The following TNRC6C variants were observed in gnomAD, a reference collection of about 807,000 sequenced individuals.
TNRC6C encodes trinucleotide repeat containing adaptor 6C, also known as trinucleotide repeat-containing gene 6C protein.
Under a neutral mutation model 153.7 loss-of-function variants are expected in TNRC6C, and 20 were observed. The observed-to-expected ratio is 0.13, with a 90% CI of 0.09 to 0.19. The LOEUF (loss-of-function observed/expected upper bound fraction) is 0.19, where lower values mean the gene tolerates loss of function less well. Ranked by LOEUF, TNRC6C falls within the 10% of genes least tolerant of loss-of-function variation. The pLI is 1.00. For synonymous variants in TNRC6C, 811 were observed against 841.4 expected (o/e 0.96, Z 0.63); for missense variants, 1,987 against 2,172.0 (o/e 0.91, Z 1.69).
chr17:77,959,651 G>C (rs1158663887), intron 1 of TNRC6C, among the ~76,000 whole-genome samples: 1 of 150,166 alleles, frequency 6.7e-6, no homozygotes, highest in Non-Finnish European at 1.5e-5. Context: ...TTTGGTGCAG[G>C]AGCCCGGTGC....
At chr17:78,045,873 TAG>T (rs2072398710) in intron 2 of TNRC6C, among the ~76,000 whole-genome samples, 1 of 151,708 alleles carries the variant, frequency 6.6e-6, no homozygotes, top group African/African-American at 2.4e-5. Flanking sequence ...GTGTTCACAA[TAG>T]AGATTTAACA....
At position 78,104,798 on chromosome 17, in the gene TNRC6C, C is replaced by G. The variant is rs1183880524; in HGVS notation, c.5026C>G (p.Leu1676Val). 1 of 1,445,552 alleles carries G rather than the reference C, an allele frequency of 6.9e-7. No homozygotes were observed. The highest frequency in any genetic ancestry group is 9.1e-7 in the Non-Finnish European group (1 of 1,099,376). 89.5% of individuals were successfully genotyped at this position (1,445,552 alleles called of 1,614,324 possible). ...CAGGGTGATAGGCAGCCCCACGCCG[C>G]TAACCACCCTGCTGCCTGGGGACCT... is the stretch of plus-strand genomic sequence containing the variant. The change falls in exon 20 of 20, where the codon CTA (leucine) becomes GTA (valine). Residue 1676 changes from leucine to valine, a missense_variant. This residue lies in a region of TNRC6C where 139 missense variants were observed against 148.5 expected (regional missense o/e 0.94). Transcript: ENST00000301624. The surrounding 1 kb of genome is among the most constrained non-coding windows in gnomAD (Gnocchi z 6.2).
chr17:78,031,535 C>T (rs2072074135), exon 2 of TNRC6C: 1 of 1,232,094 alleles, frequency 8.1e-7, no homozygotes, highest in Non-Finnish European at 1.0e-6. Context: ...CTACTAAGAC[C>T]TGTTCAAGCC....
chr17:78,103,517 A>G (rs767183332), exon 19 of TNRC6C: 45 of 1,613,912 alleles, frequency 2.8e-5, no homozygotes, highest in Non-Finnish European at 3.2e-5. Flanking sequence ...TACAGCTCCA[A>G]GGAGGAGGCT....
chr17:78,071,131 G>A (rs1220788736), exon 6 of TNRC6C: 13 of 1,606,768 alleles, frequency 8.1e-6, no homozygotes, highest in South Asian at 1.1e-5. Context: ...ATCATGAGCC[G>A]GCTGATCAAA....
intron 1 of TNRC6C, among the ~76,000 whole-genome samples, chr17:78,012,465 A>G (rs2071652369): frequency 6.6e-6 from 1 of 152,182 alleles, no homozygotes; most frequent in Admixed American, 6.5e-5. Context: ...CTGTGTAACA[A>G]ACCTTCATAT....
chr17:77,961,044 AACAC>A (rs751339423), intron 1 of TNRC6C, among the ~76,000 whole-genome samples: 1 of 151,962 alleles, frequency 6.6e-6, no homozygotes, highest in Admixed American at 6.6e-5. Context: ...GGTAATAGTA[AACAC>A]ACACACACAC....
intron 17 of TNRC6C, among the ~76,000 whole-genome samples, chr17:78,101,400 A>G (rs1301825227): frequency 3.3e-5 from 5 of 152,116 alleles, no homozygotes; most frequent in African/African-American, 9.7e-5. Context: ...GGAAGTTCCA[A>G]ACTTTCCCAC....
intron 1 of TNRC6C, among the ~76,000 whole-genome samples, chr17:77,994,859 C>G (rs968862215): frequency 1.3e-5 from 2 of 152,086 alleles, no homozygotes; most frequent in South Asian, 2.1e-4. Context: ...TTAAATACAG[C>G]TTGTTGTTTT....
At chr17:78,077,105 T>C (rs1482299997) in intron 8 of TNRC6C, 80 bp from the exon 11 acceptor site, 49 of 1,485,162 alleles carry the variant, frequency 3.3e-5, no homozygotes, top group Non-Finnish European at 4.2e-5. Context: ...CCACGCCTCC[T>C]CTGTTTCCTT....
chr17:78,019,769 T>C (rs76780965), intron 1 of TNRC6C, among the ~76,000 whole-genome samples: 1,736 of 152,340 alleles, frequency 0.011, 30 homozygotes, highest in African/African-American at 0.04. Flanking sequence ...ATTCTCCTGC[T>C]GCATGAAAAT....
intron 3 of TNRC6C, among the ~76,000 whole-genome samples, chr17:78,059,237 C>G (rs2072717314): frequency 6.6e-6 from 1 of 152,194 alleles, no homozygotes; most frequent in African/African-American, 2.4e-5. Flanking sequence ...ACCTCTGCAG[C>G]CAGAAGTAAT....
At chr17:77,991,727 T>C (rs1020380659) in intron 1 of TNRC6C, among the ~76,000 whole-genome samples, 3 of 152,352 alleles carry the variant, frequency 2.0e-5, no homozygotes, top group South Asian at 2.1e-4. Context: ...AGAAATTGTT[T>C]TGATTATCCT....
chr17:77,989,645 C>T (rs1223347648), intron 1 of TNRC6C, among the ~76,000 whole-genome samples: 3 of 152,222 alleles, frequency 2.0e-5, no homozygotes, highest in African/African-American at 7.2e-5. Context: ...TACCCACTAA[C>T]TGTAAGCTCT....
intron 17 of TNRC6C, among the ~76,000 whole-genome samples, chr17:78,100,600 T>A (rs1010137670): frequency 6.6e-6 from 1 of 152,136 alleles, no homozygotes; most frequent in Non-Finnish European, 1.5e-5. Flanking sequence ...AGCCATTTTT[T>A]CCTTGTAGGC....
chr17:78,018,188 G>A (rs1262248440), intron 1 of TNRC6C, among the ~76,000 whole-genome samples: 1 of 152,054 alleles, frequency 6.6e-6, no homozygotes. Flanking sequence ...GTGCAGTGGC[G>A]CAGTCTCGGC....
In TNRC6C at chr17:78,079,276, C is replaced by G. The variant is rs2144392584; in HGVS notation, c.3211-119C>G. 7.0e-7 allele frequency: 1 copy of G among 1,423,144 alleles called. No individual in the cohort carries two copies. The highest frequency in any genetic ancestry group is 1.8e-4 in the Middle Eastern group (1 of 5,506). The allele number at this position is 1,423,144 out of a possible 1,614,324, so 88.2% of individuals were successfully genotyped here. A position where few individuals can be genotyped will look rare whatever the true frequency, so the allele number is the denominator to read the frequency against. ...AAAAATTCTCTTGGGTACAAGTTGA[C>G]AGTGGTAGGAAGTAGAAACAATTTT... On this transcript the variant is annotated intron_variant, in intron 9 of 19. Coordinates refer to ENST00000301624, the Ensembl canonical transcript of TNRC6C. This position sits in a 1 kb window ranked among gnomAD's most constrained non-coding sequence, Gnocchi z 4.3.
intron 16 of TNRC6C, among the ~76,000 whole-genome samples, chr17:78,094,529 C>T (rs1011309485): frequency 2.6e-5 from 4 of 151,574 alleles, no homozygotes; most frequent in Admixed American, 6.6e-5. Flanking sequence ...ACCTCCGCCT[C>T]GCAGGCTCAA....
chr17:78,059,855 A>AAG (rs1555638720), intron 3 of TNRC6C, among the ~76,000 whole-genome samples: 12 of 151,432 alleles, frequency 7.9e-5, no homozygotes, highest in Non-Finnish European at 1.5e-4. Flanking sequence ...TCAAAAAAAA[A>AAG]AAAAAAAAGA....
Sources: gnomAD v4.1 joint callset for allele counts (sites outside exome capture counted in the v4.1 genomes callset) on GRCh38, gnomAD v4.1.1 for gene constraint, gnomAD v4.1.1 regional missense constraint, Gnocchi (gnomAD v3.1) non-coding constraint, MANE v1.5 for transcripts, NCBI Gene and HGNC (gene_info 2026-07-23, HGNC 2026-07-21) for gene names.